Variants in UNC79 observed in about 807,000 individuals in gnomAD.
The protein encoded by UNC79 is unc-79 subunit of NALCN channel complex.
A neutral mutation model predicts 283.1 loss-of-function variants in UNC79; 37 were observed. That is an observed-to-expected ratio of 0.13 (90% CI 0.10 to 0.17). UNC79 has a LOEUF of 0.17. UNC79 is among the 10% of genes least tolerant of loss of function. UNC79 has a pLI of 1.00. For missense variants in UNC79, 2,272 were observed against 3,211.1 expected (o/e 0.71, Z 7.07); for synonymous variants, 1,107 against 1,200.2 (o/e 0.92, Z 1.61).
intron 14 of UNC79, among the ~76,000 whole-genome samples, chr14:93,557,344 A>G (rs1348135322): frequency 3.3e-5 from 5 of 151,630 alleles, no homozygotes; most frequent in African/African-American, 4.8e-5. Context: ...AACTGTAAAT[A>G]TCTCATGACT....
chr14:93,378,362 A>C (rs1009473963), intron 1 of UNC79, among the ~76,000 whole-genome samples: 5 of 152,226 alleles, frequency 3.3e-5, no homozygotes, highest in Non-Finnish European at 7.3e-5. Context: ...TGTAAATTTT[A>C]ACCTTTGGGG....
At chr14:93,424,182 TA>T (rs2055672604) in intron 1 of UNC79, among the ~76,000 whole-genome samples, 2 of 152,142 alleles carry the variant, frequency 1.3e-5, no homozygotes, top group African/African-American at 4.8e-5. Context: ...TCACCCCAGT[TA>T]AAATGGCTTT....
chr14:93,495,936 C>T (rs887547348), intron 5 of UNC79, among the ~76,000 whole-genome samples: 2 of 152,230 alleles, frequency 1.3e-5, no homozygotes, highest in Admixed American at 1.3e-4. Flanking sequence ...TCAAGTCTGT[C>T]ACTTCCTATC....
intron 4 of UNC79, among the ~76,000 whole-genome samples, chr14:93,478,957 C>T (rs1272798714): frequency 6.6e-6 from 1 of 152,118 alleles, no homozygotes; most frequent in Non-Finnish European, 1.5e-5. Context: ...TGACTTCTCC[C>T]TAAATTATAT....
intron 25 of UNC79, among the ~76,000 whole-genome samples, chr14:93,601,290 G>T (rs1397966996): frequency 6.7e-6 from 1 of 148,626 alleles, no homozygotes; most frequent in Non-Finnish European, 1.5e-5. Context: ...ATTCCGTTCT[G>T]TCATTCTTAT....
intron 30 of UNC79, among the ~76,000 whole-genome samples, chr14:93,627,336 C>G (rs1404558358): frequency 6.6e-6 from 1 of 152,142 alleles, no homozygotes. Flanking sequence ...TGGTTTTAGC[C>G]TTTAGATATT....
chr14:93,492,544 G>A (rs2058780599), intron 5 of UNC79, among the ~76,000 whole-genome samples: 1 of 152,044 alleles, frequency 6.6e-6, no homozygotes, highest in African/African-American at 2.4e-5. Context: ...AGTAGAGATG[G>A]GATTTCATCA....
intron 1 of UNC79, among the ~76,000 whole-genome samples, chr14:93,417,686 C>T (rs572212906): frequency 2.1e-4 from 32 of 152,320 alleles, no homozygotes; most frequent in African/African-American, 7.2e-4. Flanking sequence ...GGTCTTTTCA[C>T]ATAGTCCCAT....
intron 47 of UNC79, among the ~76,000 whole-genome samples, chr14:93,699,728 C>A (rs1225303303): frequency 6.6e-6 from 1 of 152,090 alleles, no homozygotes; most frequent in Non-Finnish European, 1.5e-5. Flanking sequence ...CTATTATTGT[C>A]ATACATTTTC....
At chr14:93,340,167 G>C (rs2053672886) in intron 1 of UNC79, among the ~76,000 whole-genome samples, 1 of 152,192 alleles carries the variant, frequency 6.6e-6, no homozygotes, top group Non-Finnish European at 1.5e-5. Flanking sequence ...CCTATGCTGG[G>C]TGCGGTGGCT....
chr14:93,441,123 C>T (rs1196752761), intron 1 of UNC79, among the ~76,000 whole-genome samples: 1 of 152,016 alleles, frequency 6.6e-6, no homozygotes, highest in Non-Finnish European at 1.5e-5. Context: ...TTACTGGGTG[C>T]ATAAATACTA....
At chr14:93,458,943 G>T (rs2056867319) in intron 1 of UNC79, among the ~76,000 whole-genome samples, 1 of 152,166 alleles carries the variant, frequency 6.6e-6, no homozygotes, top group South Asian at 2.1e-4. Context: ...ATAATGAAGT[G>T]CAAAAATTTT....
At chr14:93,508,165 T>A (rs1595691277) in intron 7 of UNC79, among the ~76,000 whole-genome samples, 2 of 151,942 alleles carry the variant, frequency 1.3e-5, no homozygotes, top group East Asian at 1.9e-4. Context: ...GCATTTCCAT[T>A]TAAATTTTAG....
chr14:93,506,547 A>G (rs1212140099), intron 7 of UNC79, among the ~76,000 whole-genome samples: 1 of 151,638 alleles, frequency 6.6e-6, no homozygotes, highest in Non-Finnish European at 1.5e-5. Flanking sequence ...GCCAATTATT[A>G]CTCTTTTGAA....
At chr14:93,630,879 C>T (rs867053234) in exon 31 of UNC79, 11 of 1,613,948 alleles carry the variant, frequency 6.8e-6, no homozygotes, top group South Asian at 2.2e-5. Context: ...GCAGGTGTGC[C>T]GGAAACAAGT....
Position 93,622,719 on chromosome 14 carries a change from T to C in UNC79, c.5486T>C (p.Phe1829Ser), listed in dbSNP as rs774688629. Residue 1829 changes from phenylalanine (F) to serine (S), a missense_variant, in exon 30 of 49, where the codon TTT becomes TCT. By Grantham distance (155) the Phe-to-Ser change is radical (BLOSUM62 -2). Around this residue, in one of 11 missense-constraint regions of UNC79, gnomAD observed 580 missense variants for 632.2 expected, o/e 0.92. Coordinates refer to ENST00000555664, the Ensembl canonical transcript of UNC79. ...GAGGATGGAGCTGAGGAATCCGAATTTAAGATTCAGATTGTTCCCAGGCAG... is the reference window on the plus strand; with the variant it reads ...GAGGATGGAGCTGAGGAATCCGAATCTAAGATTCAGATTGTTCCCAGGCAG... 11 of 1,613,988 alleles carry C rather than the reference T, an allele frequency of 6.8e-6. No homozygotes were observed. In the South Asian group the frequency reaches 1.2e-4, roughly 18 times the overall value.
intron 47 of UNC79, among the ~76,000 whole-genome samples, chr14:93,696,421 C>T (rs1295853218): frequency 6.6e-6 from 1 of 152,338 alleles, no homozygotes; most frequent in East Asian, 1.9e-4. Flanking sequence ...TGCTCTGTTA[C>T]ATCCAGTATA....
chr14:93,579,691 T>C (rs1021399667), intron 18 of UNC79, among the ~76,000 whole-genome samples: 1 of 152,180 alleles, frequency 6.6e-6, no homozygotes, highest in Admixed American at 6.5e-5. Flanking sequence ...TGATTTCTGG[T>C]GTGACAAGAT....
intron 4 of UNC79, among the ~76,000 whole-genome samples, chr14:93,481,566 G>T (rs889110413): frequency 2.0e-5 from 3 of 152,086 alleles, no homozygotes; most frequent in African/African-American, 7.2e-5. Context: ...GTCTCATCTA[G>T]TTCCCTTTCC....
Sources: allele counts gnomAD v4.1 joint callset (sites outside exome capture counted in the v4.1 genomes callset), GRCh38; gene constraint gnomAD v4.1.1; regional missense constraint gnomAD v4.1.1; transcripts MANE v1.5; gene names NCBI Gene and HGNC (gene_info 2026-07-23, HGNC 2026-07-21).